MEI4: variants seen among roughly 807,000 people sequenced by gnomAD.
MEI4 encodes the protein meiosis-specific protein MEI4.
Under a neutral mutation model 31.4 loss-of-function variants are expected in MEI4, and 27 were observed. The observed-to-expected ratio is 0.86, with a 90% confidence interval of 0.63 to 1.19. The LOEUF (loss-of-function observed/expected upper bound fraction) is 1.19. MEI4 is among the 50% of genes most tolerant of loss of function. The pLI, the probability that MEI4 is intolerant of heterozygous loss-of-function variation, is 0.00. For missense variants in MEI4, 329 were observed against 398.9 expected (o/e 0.82, Z 1.49); for synonymous variants, 122 against 145.4 (o/e 0.84, Z 1.16).
In MEI4 at chr6:77,883,745, A is replaced by ATATATATATATATCTAT. The variant is rs55947073; in HGVS notation, c.901-39344_901-39343insTATATATATATATCTAT. On this transcript the variant is annotated intron_variant, in intron 4 of 4. Transcript: ENST00000684080. ...ATATATATATATATATATATATATAACTTTGTCTTTGTCTATTCATTTATT... is the reference window on the plus strand; with the variant it reads ...ATATATATATATATATATATATATAATATATATATATATCTATCTTTGTCTTTGTCTATTCATTTATT... Among the ~76,000 whole-genome samples, 86 of 82,296 alleles carry ATATATATATATATCTAT rather than the reference A, an allele frequency of 1.0e-3. 3 individuals are homozygous for ATATATATATATATCTAT. In the South Asian group the frequency reaches 0.014, roughly 14 times the overall value. 54.0% of individuals were successfully genotyped at this position (82,296 alleles called of 152,430 possible).
intron 2 of MEI4, among the ~76,000 whole-genome samples, chr6:77,695,676 A>G (rs1439768971): frequency 1.3e-5 from 2 of 152,138 alleles, no homozygotes; most frequent in African/African-American, 2.4e-5. Flanking sequence ...GCCTTGTAGT[A>G]TAGTTTGAAG....
chr6:77,882,188 T>C (rs977851647), intron 4 of MEI4, among the ~76,000 whole-genome samples: 16 of 152,200 alleles, frequency 1.1e-4, no homozygotes, highest in African/African-American at 3.9e-4. Context: ...AAGTGAGGTC[T>C]GGAAGAGTCC....
Position 77,681,709 on chromosome 6 carries a change from C to T in MEI4, c.-14-8949C>T, listed in dbSNP as rs551067863. 5.3e-5 allele frequency among the ~76,000 whole-genome samples: 8 copies of T among 151,984 alleles called. No homozygotes were observed. The South Asian group carries it at 1.7e-3, about 32-fold the overall frequency. ...ATTAAAAAAAATAGTGTTAAGAGAC[C>T]GTAGACAATTAAAATCCATGCTTAG... is the stretch of plus-strand genomic sequence containing the variant. On this transcript the variant is annotated intron_variant, in intron 1 of 4. Transcript: ENST00000684080.
chr6:77,922,940 T>C (rs1255529802), intron 4 of MEI4, 149 bp from the exon 5 acceptor site: 6 of 422,792 alleles, frequency 1.4e-5, no homozygotes, highest in Non-Finnish European at 2.4e-5. Context: ...TGTTTTTTAT[T>C]TCCCCCTTGT....
chr6:77,912,174 T>C (rs1054473288), intron 4 of MEI4, among the ~76,000 whole-genome samples: 2 of 152,122 alleles, frequency 1.3e-5, no homozygotes, highest in Non-Finnish European at 2.9e-5. Flanking sequence ...GTTATTCTGT[T>C]CAATTAGTCT....
intron 3 of MEI4, among the ~76,000 whole-genome samples, chr6:77,793,055 G>A (rs1174364825): frequency 6.6e-6 from 1 of 152,002 alleles, no homozygotes; most frequent in Non-Finnish European, 1.5e-5. Context: ...CTCCCAGTGT[G>A]TGTTAATAGC....
At chr6:77,888,011 A>G (rs12530473) in intron 4 of MEI4, among the ~76,000 whole-genome samples, 12,395 of 152,252 alleles carry the variant, frequency 0.081, 720 homozygotes, top group Admixed American at 0.13. Context: ...CTTTATCATT[A>G]TATAATTACT....
rs565272392 is a variant in MEI4, at chr6:77,694,759, A to G, written c.232+3856A>G. On this transcript the variant is annotated intron_variant, in intron 2 of 4. Transcript: ENST00000684080. ...TGTCTTTATAGCAGCATGATTTATAATCCTTTGGGTATATACCCAGTAATG... is the reference window on the plus strand; with the variant it reads ...TGTCTTTATAGCAGCATGATTTATAGTCCTTTGGGTATATACCCAGTAATG... Among the ~76,000 whole-genome samples the G allele has an allele frequency of 1.4e-4, 22 of 151,976 alleles. No homozygotes were observed. The East Asian group carries it at 4.1e-3, about 28-fold the overall frequency.
At chr6:77,864,511 A>C (rs1452022083) in intron 4 of MEI4, among the ~76,000 whole-genome samples, 1 of 152,250 alleles carries the variant, frequency 6.6e-6, no homozygotes, top group Non-Finnish European at 1.5e-5. Context: ...TAAAAGGATC[A>C]ATTCAACAAG....
At chr6:77,852,597 T>G (rs1348799947) in intron 4 of MEI4, among the ~76,000 whole-genome samples, 6 of 143,144 alleles carry the variant, frequency 4.2e-5, no homozygotes, top group Admixed American at 4.2e-4. Context: ...TTTTTTTTTT[T>G]GTCTCACAGT....
At chr6:77,873,865 C>T (rs1285033809) in intron 4 of MEI4, among the ~76,000 whole-genome samples, 1 of 152,122 alleles carries the variant, frequency 6.6e-6, no homozygotes, top group African/African-American at 2.4e-5. Context: ...ATAGGGAATC[C>T]CTTCCCCATT....
chr6:77,872,202 A>C (rs1193320408), intron 4 of MEI4, among the ~76,000 whole-genome samples: 1 of 152,006 alleles, frequency 6.6e-6, no homozygotes, highest in African/African-American at 2.4e-5. Flanking sequence ...GTTTTTGGGG[A>C]ATTTTTGCTG....
chr6:77,814,894 C>T (rs1328812124), intron 3 of MEI4, among the ~76,000 whole-genome samples: 15 of 152,096 alleles, frequency 9.9e-5, no homozygotes, highest in Admixed American at 3.9e-4. Context: ...TTGTCCTTAA[C>T]CTTGGCAAAA....
chr6:77,894,672 A>C (rs1766043355), intron 4 of MEI4, among the ~76,000 whole-genome samples: 1 of 152,230 alleles, frequency 6.6e-6, no homozygotes, highest in Non-Finnish European at 1.5e-5. Flanking sequence ...AAACAAAATT[A>C]TTGGAAAGGT....
intron 1 of MEI4, among the ~76,000 whole-genome samples, chr6:77,656,443 A>T (rs1768396728): frequency 6.6e-6 from 1 of 152,078 alleles, no homozygotes; most frequent in Non-Finnish European, 1.5e-5. Flanking sequence ...GATAGGAGAA[A>T]GCTACTTTCT....
At chr6:77,764,562 A>G (rs1768122200) in intron 3 of MEI4, among the ~76,000 whole-genome samples, 1 of 152,208 alleles carries the variant, frequency 6.6e-6, no homozygotes, top group Non-Finnish European at 1.5e-5. Flanking sequence ...AGACAGAAAA[A>G]TCAATAAAGA....
chr6:77,883,717 G>GATAGATAT (rs1554172067), intron 4 of MEI4, among the ~76,000 whole-genome samples: 9 of 43,336 alleles, frequency 2.1e-4, no homozygotes, highest in Admixed American at 1.3e-3. Flanking sequence ...TATTATGTAA[G>GATAGATAT]ATATATATAT....
chr6:77,892,275 TTC>T (rs1765979602), intron 4 of MEI4, among the ~76,000 whole-genome samples: 2 of 152,198 alleles, frequency 1.3e-5, no homozygotes, highest in Non-Finnish European at 2.9e-5. Flanking sequence ...TTCCTCAGGC[TTC>T]CCTGTTGAGT....
chr6:77,708,416 C>T (rs531044010), intron 2 of MEI4, among the ~76,000 whole-genome samples: 1 of 152,282 alleles, frequency 6.6e-6, no homozygotes, highest in South Asian at 2.1e-4. Flanking sequence ...TTTACAGGCT[C>T]ATAGGTAGAA....
Sources: gnomAD v4.1 joint callset for allele counts (sites outside exome capture counted in the v4.1 genomes callset) on GRCh38, gnomAD v4.1.1 for gene constraint, MANE v1.5 for transcripts, NCBI Gene and HGNC (gene_info 2026-07-23, HGNC 2026-07-21) for gene names.